Variants in TENM3 observed in about 807,000 individuals in gnomAD.
TENM3 encodes teneurin-3.
In TENM3, 63 loss-of-function variants were observed where a neutral mutation model predicts 255.1. The observed-to-expected ratio is 0.25, with a 90% confidence interval of 0.20 to 0.30. The LOEUF (loss-of-function observed/expected upper bound fraction) is 0.30, where lower values mean the gene tolerates loss of function less well. Ranked by LOEUF, TENM3 falls within the 10% of genes least tolerant of loss-of-function variation. The probability of loss-of-function intolerance (pLI) is 1.00; values close to 1 mark genes in which losing one functional copy is unlikely to be tolerated. For synonymous variants in TENM3, 1,306 were observed against 1,322.3 expected (o/e 0.99, Z 0.27); for missense variants, 2,929 against 3,461.1 (o/e 0.85, Z 3.86).
At chr4:182,062,816 CTG>C in the TENM3 span, among the ~76,000 whole-genome samples, 3 of 152,198 alleles carry the variant, frequency 2.0e-5, no homozygotes, top group Non-Finnish European at 4.4e-5. Context: ...AGTATGAACT[CTG>C]TGAAAGGAAA....
Position 182,709,262 on chromosome 4 carries a change from C to T in TENM3, c.2222-4825C>T, listed in dbSNP as rs115432434. ...CCTCCCAAAGTGCAAAGATTACAAGCATAAGCCACCGCATCCAGCTCTGGA... is the reference window on the plus strand; with the variant it reads ...CCTCCCAAAGTGCAAAGATTACAAGTATAAGCCACCGCATCCAGCTCTGGA... On this transcript the variant is annotated intron_variant, in intron 12 of 27. Coordinates refer to ENST00000511685, the MANE Select transcript of TENM3 (RefSeq NM_001080477.4). Among the ~76,000 whole-genome samples, 588 of 152,240 alleles carry T rather than the reference C, an allele frequency of 3.9e-3. 4 individuals are homozygous for T. Among genetic ancestry groups the T allele is most frequent in the African/African-American group, 0.014 (563 of 41,536 alleles).
intron 6 of TENM3, among the ~76,000 whole-genome samples, chr4:182,671,043 C>G (rs995829553): frequency 1.8e-4 from 28 of 152,096 alleles, no homozygotes; most frequent in African/African-American, 6.5e-4. Flanking sequence ...ATTCTTTAAC[C>G]TGGTATTCAA....
At chr4:182,578,985 T>C (rs1745217843) in intron 3 of TENM3, among the ~76,000 whole-genome samples, 1 of 152,222 alleles carries the variant, frequency 6.6e-6, no homozygotes, top group African/African-American at 2.4e-5. Flanking sequence ...ACCTTCTTCA[T>C]GTAGTTTATT....
chr4:182,272,238 A>G (rs1253364559), intron 1 of TENM3, among the ~76,000 whole-genome samples: 1 of 152,202 alleles, frequency 6.6e-6, no homozygotes, highest in Non-Finnish European at 1.5e-5. Flanking sequence ...ATTAATCTCA[A>G]TCCTCCACAC....
chr4:182,201,673 G>A (rs988963673), intron 1 of TENM3, among the ~76,000 whole-genome samples: 1 of 152,034 alleles, frequency 6.6e-6, no homozygotes, highest in Non-Finnish European at 1.5e-5. Flanking sequence ...TGGCAGGGTG[G>A]GGGGTCTGGA....
At chr4:182,604,266 A>G (rs750610518) in intron 4 of TENM3, among the ~76,000 whole-genome samples, 2 of 152,300 alleles carry the variant, frequency 1.3e-5, no homozygotes, top group Non-Finnish European at 2.9e-5. Flanking sequence ...CAGATCTCCT[A>G]GAGTCACACT....
Position 182,673,222 on chromosome 4 carries a change from A to G in TENM3, c.1326+3A>G, listed in dbSNP as rs1473135601. 6.3e-7 allele frequency: 1 copy of G among 1,584,802 alleles called. No homozygotes were observed. Among genetic ancestry groups the G allele is most frequent in the Admixed American group, 1.7e-5 (1 of 57,684 alleles). On this transcript the variant is annotated splice_donor_region_variant and intron_variant, in intron 7 of 27. Transcript: ENST00000511685. ...GCTTACCGCCTTCCCATACTCAGGT[A>G]AGACTAGGCTTTCTTATCAATAAAA...
At chr4:181,945,273 C>T in the TENM3 span, among the ~76,000 whole-genome samples, 4 of 152,024 alleles carry the variant, frequency 2.6e-5, no homozygotes, top group African/African-American at 9.6e-5. Context: ...TTCCTAGAAA[C>T]AAGGGTAAAA....
chr4:182,650,902 A>G (rs1753213512), intron 5 of TENM3, among the ~76,000 whole-genome samples: 2 of 27,318 alleles, frequency 7.3e-5, no homozygotes, highest in South Asian at 1.6e-3. Context: ...ATATATATAT[A>G]TATATATATA....
At chr4:182,716,993 G>A (rs1467668586) in intron 13 of TENM3, among the ~76,000 whole-genome samples, 1 of 152,190 alleles carries the variant, frequency 6.6e-6, no homozygotes, top group Admixed American at 6.5e-5. Flanking sequence ...TATAGTTTGA[G>A]CAATTTTGTA....
the TENM3 span, among the ~76,000 whole-genome samples, chr4:181,636,021 A>T: frequency 3.3e-5 from 5 of 152,108 alleles, no homozygotes; most frequent in Admixed American, 3.3e-4. Context: ...ACACATGTGG[A>T]AGGAAAGAGA....
intron 5 of TENM3, among the ~76,000 whole-genome samples, chr4:182,645,546 A>G (rs1036984775): frequency 6.6e-6 from 1 of 152,146 alleles, no homozygotes; most frequent in African/African-American, 2.4e-5. Flanking sequence ...ACTGGGCCCA[A>G]CTTAGCTGGG....
intron 1 of TENM3, among the ~76,000 whole-genome samples, chr4:182,265,922 G>A (rs1215893389): frequency 6.6e-6 from 1 of 152,228 alleles, no homozygotes; most frequent in Non-Finnish European, 1.5e-5. Context: ...AATTATGCAA[G>A]TCAAATATTA....
At chr4:182,637,079 A>C (rs950803263) in intron 5 of TENM3, among the ~76,000 whole-genome samples, 1 of 152,200 alleles carries the variant, frequency 6.6e-6, no homozygotes, top group African/African-American at 2.4e-5. Flanking sequence ...TTCAGAGAGA[A>C]ATGTCTGCAT....
rs570019770 is a variant in TENM3 at position 182,672,449 on chromosome 4, G to GCC, written c.1112-553_1112-552dup. Reference sequence around the variant, plus strand: ...CCCCTCCTTCCTTTCCCCTCACAATGCCCCAAGTACCCCTTCTCTATCTCT... The same window carrying GCC: ...CCCCTCCTTCCTTTCCCCTCACAATGCCCCCCAAGTACCCCTTCTCTATCTCT... On this transcript the variant is annotated intron_variant, in intron 6 of 27. Coordinates refer to ENST00000511685, the MANE Select transcript of TENM3 (RefSeq NM_001080477.4). 4.6e-3 allele frequency among the ~76,000 whole-genome samples: 694 copies of GCC among 152,192 alleles called. 3 individuals carry two copies. Among genetic ancestry groups the GCC allele is most frequent in the Non-Finnish European group, 6.2e-3 (421 of 68,002 alleles).
chr4:182,217,500 C>G (rs1425253908), intron 1 of TENM3, among the ~76,000 whole-genome samples: 2 of 152,158 alleles, frequency 1.3e-5, no homozygotes, highest in African/African-American at 4.8e-5. Flanking sequence ...CCTGTGGTAA[C>G]AATAACTGAC....
chr4:181,855,529 C>T, the TENM3 span, among the ~76,000 whole-genome samples: 1 of 152,140 alleles, frequency 6.6e-6, no homozygotes, highest in Non-Finnish European at 1.5e-5. Context: ...CAGAAGAACC[C>T]TACAGGGGTT....
At chr4:182,181,836 A>C (rs1421830932) in intron 1 of TENM3, among the ~76,000 whole-genome samples, 3 of 151,764 alleles carry the variant, frequency 2.0e-5, no homozygotes, top group Non-Finnish European at 2.9e-5. Context: ...AATCACTGAT[A>C]TTTCATAAAA....
At chr4:182,121,429 G>A in the TENM3 span, among the ~76,000 whole-genome samples, 1 of 152,100 alleles carries the variant, frequency 6.6e-6, no homozygotes, top group South Asian at 2.1e-4. Flanking sequence ...TGGTGGCTAA[G>A]GATAATACCT....
Sources: allele counts gnomAD v4.1 joint callset (sites outside exome capture counted in the v4.1 genomes callset), GRCh38; gene constraint gnomAD v4.1.1; transcripts MANE v1.5; gene names NCBI Gene and HGNC (gene_info 2026-07-23, HGNC 2026-07-21).